The following TAFA1 variants were observed in gnomAD, a reference collection of about 807,000 sequenced individuals.
TAFA1 encodes the protein chemokine-like protein TAFA-1.
Under a neutral mutation model 18.5 loss-of-function variants are expected in TAFA1, and 4 were observed. That is an observed-to-expected ratio of 0.22 (90% CI 0.11 to 0.49). The LOEUF is 0.49. TAFA1 is among the 20% of genes least tolerant of loss of function. The probability of loss-of-function intolerance (pLI) is 0.98; values close to 1 mark genes in which losing one functional copy is unlikely to be tolerated. For missense variants in TAFA1, 147 were observed against 169.0 expected, an observed-to-expected ratio of 0.87 and a Z score of 0.72; for synonymous variants, 56 against 55.2, an observed-to-expected ratio of 1.01 and a Z score of -0.06.
At chr3:68,485,164 A>G (rs569877956) in intron 3 of TAFA1, among the ~76,000 whole-genome samples, 13 of 151,946 alleles carry the variant, frequency 8.6e-5, no homozygotes, top group African/African-American at 2.4e-4. Context: ...TCTCTTAACA[A>G]TTGCCGCAGC....
At chr3:68,510,222 ACCTTAGTAT>A (rs1179166525) in intron 3 of TAFA1, among the ~76,000 whole-genome samples, 1 of 152,028 alleles carries the variant, frequency 6.6e-6, no homozygotes, top group Non-Finnish European at 1.5e-5. Context: ...CACCTCTGCT[ACCTTAGTAT>A]CCATTGCTGT....
chr3:68,040,593 G>A (rs1047545976), intron 2 of TAFA1, among the ~76,000 whole-genome samples: 7 of 152,190 alleles, frequency 4.6e-5, no homozygotes, highest in Admixed American at 6.5e-5. Context: ...AGGTTGTTAA[G>A]GTTTCCTCTA....
chr3:68,408,716 G>T (rs2070657765), intron 2 of TAFA1, among the ~76,000 whole-genome samples: 1 of 151,858 alleles, frequency 6.6e-6, no homozygotes. Context: ...AAGAGATAAA[G>T]AATTAAACAA....
intron 2 of TAFA1, among the ~76,000 whole-genome samples, chr3:68,025,022 T>A (rs1174387864): frequency 6.6e-6 from 1 of 152,152 alleles, no homozygotes; most frequent in Non-Finnish European, 1.5e-5. Flanking sequence ...AAATTGGGGA[T>A]GACTCCTTTC....
intron 2 of TAFA1, among the ~76,000 whole-genome samples, chr3:68,080,839 C>G (rs2064888766): frequency 2.0e-5 from 3 of 152,134 alleles, no homozygotes; most frequent in South Asian, 4.1e-4. Flanking sequence ...CTCTATATTT[C>G]CTGAATCTGA....
rs138338267 is a variant in TAFA1, at chr3:68,470,359, G to A, written c.259+52939G>A. 8.3e-4 allele frequency among the ~76,000 whole-genome samples: 127 copies of A among 152,286 alleles called. 1 individual carries two copies. In the East Asian group the frequency reaches 0.023, roughly 28 times the overall value. ...ACTGGTACTGGTAGAGTGGGGTGCT[G>A]CTCTAAAGATACCCCAAAATGTGGA... On this transcript the variant is annotated intron_variant, in intron 3 of 4. Transcript: ENST00000478136.
chr3:68,122,382 T>C lies in TAFA1; in HGVS notation c.118+115638T>C, dbSNP rs1193213568. On this transcript the variant is annotated intron_variant, in intron 2 of 4. Coordinates refer to ENST00000478136, the MANE Select transcript of TAFA1 (RefSeq NM_213609.4). ...AACACACTTGACCAGAAGAATGTTTTATCTTCTGTGTAATGCCAGTTATCA... is the reference window on the plus strand; with the variant it reads ...AACACACTTGACCAGAAGAATGTTTCATCTTCTGTGTAATGCCAGTTATCA... Among the ~76,000 whole-genome samples, 5 of 152,346 alleles carry C rather than the reference T, an allele frequency of 3.3e-5. No homozygotes were observed. In the East Asian group the frequency reaches 7.7e-4, roughly 23 times the overall value.
chr3:68,342,892 C>T (rs746506737), intron 2 of TAFA1, among the ~76,000 whole-genome samples: 1 of 152,202 alleles, frequency 6.6e-6, no homozygotes, highest in Non-Finnish European at 1.5e-5. Flanking sequence ...TTACTTTATA[C>T]AGCACAGCCT....
chr3:68,007,943 C>G (rs534299366), intron 2 of TAFA1, among the ~76,000 whole-genome samples: 1 of 152,356 alleles, frequency 6.6e-6, no homozygotes, highest in African/African-American at 2.4e-5. Flanking sequence ...AGCGCGGATG[C>G]AGCCCAGGGT....
intron 2 of TAFA1, among the ~76,000 whole-genome samples, chr3:68,045,490 C>T (rs930613246): frequency 9.9e-5 from 15 of 152,068 alleles, no homozygotes; most frequent in African/African-American, 3.4e-4. Context: ...AATGTGGGCT[C>T]TTCTGCCTTT....
intron 2 of TAFA1, among the ~76,000 whole-genome samples, chr3:68,263,812 G>A (rs990183921): frequency 9.2e-5 from 14 of 151,986 alleles, no homozygotes; most frequent in Non-Finnish European, 1.6e-4. Flanking sequence ...CCTATGTTTC[G>A]TGTATCCAAG....
intron 2 of TAFA1, among the ~76,000 whole-genome samples, chr3:68,053,211 C>G (rs9867661): frequency 0.58 from 88,464 of 151,694 alleles, 26,102 homozygotes; most frequent in South Asian, 0.66. Flanking sequence ...TATGATGAGT[C>G]CAATGGCAGA....
At chr3:68,206,712 C>G (rs1008357079) in intron 2 of TAFA1, among the ~76,000 whole-genome samples, 5 of 151,926 alleles carry the variant, frequency 3.3e-5, no homozygotes, top group African/African-American at 1.2e-4. Flanking sequence ...AGAGCGACCC[C>G]TAGCTTCTGA....
chr3:68,176,405 C>G (rs1361584682), intron 2 of TAFA1, among the ~76,000 whole-genome samples: 4 of 152,086 alleles, frequency 2.6e-5, no homozygotes, highest in African/African-American at 9.7e-5. Context: ...TTGCTTGAGC[C>G]CAGGAGTTCC....
chr3:68,437,922 C>A (rs556553883), intron 3 of TAFA1, among the ~76,000 whole-genome samples: 2 of 152,176 alleles, frequency 1.3e-5, no homozygotes, highest in South Asian at 4.2e-4. Flanking sequence ...TTTGTGAAAT[C>A]AAAACAAGGC....
At chr3:68,250,223 C>T (rs969893801) in intron 2 of TAFA1, among the ~76,000 whole-genome samples, 3 of 152,116 alleles carry the variant, frequency 2.0e-5, no homozygotes, top group Non-Finnish European at 4.4e-5. Flanking sequence ...ATTTGCTTAT[C>T]TTTCCAAAGG....
At chr3:68,156,599 C>A (rs542064818) in intron 2 of TAFA1, among the ~76,000 whole-genome samples, 1 of 152,050 alleles carries the variant, frequency 6.6e-6, no homozygotes, top group Non-Finnish European at 1.5e-5. Flanking sequence ...TAAAATGATC[C>A]ATTAATGTTA....
At chr3:68,420,131 T>C (rs892456600) in intron 3 of TAFA1, among the ~76,000 whole-genome samples, 1 of 152,184 alleles carries the variant, frequency 6.6e-6, no homozygotes, top group Non-Finnish European at 1.5e-5. Flanking sequence ...ATACATTATC[T>C]GAGAAGAAAA....
chr3:68,454,986 C>A (rs2071632884), intron 3 of TAFA1, among the ~76,000 whole-genome samples: 3 of 152,048 alleles, frequency 2.0e-5, no homozygotes, highest in African/African-American at 7.2e-5. Flanking sequence ...CTACTAATAG[C>A]CCACTGTTGA....
Sources: allele counts gnomAD v4.1 joint callset (sites outside exome capture counted in the v4.1 genomes callset), GRCh38; gene constraint gnomAD v4.1.1; transcripts MANE v1.5; gene names NCBI Gene and HGNC (gene_info 2026-07-23, HGNC 2026-07-21).